The following GAB2 variants were observed in gnomAD, a reference collection of about 807,000 sequenced individuals.
GAB2 encodes GRB2-associated-binding protein 2.
GAB2 carries 26 observed loss-of-function variants against 65.5 expected under a neutral mutation model. The ratio of observed to expected loss-of-function variants is 0.40; its 90% CI spans 0.29 to 0.55. The LOEUF is 0.55. GAB2 is among the 20% of genes least tolerant of loss of function. GAB2 has a pLI of 0.53. For synonymous variants in GAB2, 321 were observed against 329.6 expected (o/e 0.97, Z 0.28); for missense variants, 884 against 875.8 (o/e 1.01, Z -0.12).
intron 1 of GAB2, among the ~76,000 whole-genome samples, chr11:78,381,961 C>T (rs1856703330): frequency 6.6e-6 from 1 of 152,202 alleles, no homozygotes; most frequent in Non-Finnish European, 1.5e-5. Context: ...CATAACTTGG[C>T]CATGCTAATC....
In GAB2 at chr11:78,398,021, T is replaced by TACACACACACACAC. The variant is rs1554999817; in HGVS notation, c.75+19611_75+19624dup. On this transcript the variant is annotated intron_variant, in intron 1 of 9. Coordinates refer to ENST00000361507, the MANE Select transcript of GAB2 (RefSeq NM_080491.3). ...TGCTATGGTCCTGCCTGTGAATAGC[T>TACACACACACACAC]ACACACACACACACACACACATCCC... Among the ~76,000 whole-genome samples the TACACACACACACAC allele has an allele frequency of 4.8e-3, 541 of 112,524 alleles. 1 individual carries two copies. The highest frequency in any genetic ancestry group is 0.016 in the African/African-American group (521 of 31,820). The allele number at this position is 112,524 out of a possible 152,430, so 73.8% of individuals were successfully genotyped here.
chr11:78,297,925 G>A (rs1307858621), intron 1 of GAB2, among the ~76,000 whole-genome samples: 1 of 152,066 alleles, frequency 6.6e-6, no homozygotes, highest in Non-Finnish European at 1.5e-5. Context: ...ATTTCAAATT[G>A]CTACCAATGG....
At chr11:78,238,258 C>T (rs1865038753) in intron 3 of GAB2, among the ~76,000 whole-genome samples, 1 of 148,650 alleles carries the variant, frequency 6.7e-6, no homozygotes, top group African/African-American at 2.5e-5. Context: ...TTGAAGAGGC[C>T]AGGTGTGGTG....
chr11:78,387,975 T>C (rs1024866922), intron 1 of GAB2: 1 of 151,812 alleles, frequency 6.6e-6, no homozygotes, highest in African/African-American at 2.4e-5. Context: ...ACATAAGAAA[T>C]GCACAGGACA....
intron 1 of GAB2, among the ~76,000 whole-genome samples, chr11:78,372,856 CATTCT>C (rs537543901): frequency 0.024 from 3,584 of 152,268 alleles, 139 homozygotes; most frequent in African/African-American, 0.081. Flanking sequence ...TTCAAATTTG[CATTCT>C]CCCCTTTCCC....
intron 1 of GAB2, among the ~76,000 whole-genome samples, chr11:78,308,221 T>C (rs1437390069): frequency 6.6e-6 from 1 of 152,072 alleles, no homozygotes; most frequent in African/African-American, 2.4e-5. Flanking sequence ...GAGTCAAAAA[T>C]ACACTAGGTT....
chr11:78,304,347 A>G (rs968853361), intron 1 of GAB2, among the ~76,000 whole-genome samples: 8 of 152,166 alleles, frequency 5.3e-5, no homozygotes, highest in Non-Finnish European at 8.8e-5. Flanking sequence ...TCCCATACCC[A>G]TTAGTCAATC....
intron 1 of GAB2, among the ~76,000 whole-genome samples, chr11:78,329,033 A>C (rs1855871614): frequency 6.6e-6 from 1 of 152,200 alleles, no homozygotes; most frequent in Admixed American, 6.5e-5. Context: ...AAATGCTATA[A>C]AAAATAAGAT....
At chr11:78,345,019 G>A (rs1193842997) in intron 1 of GAB2, among the ~76,000 whole-genome samples, 2 of 152,202 alleles carry the variant, frequency 1.3e-5, no homozygotes, top group Non-Finnish European at 2.9e-5. Flanking sequence ...GCACACGCCT[G>A]TAATCCTGGC....
At chr11:78,312,046 C>T (rs1380311262) in intron 1 of GAB2, among the ~76,000 whole-genome samples, 1 of 152,142 alleles carries the variant, frequency 6.6e-6, no homozygotes, top group African/African-American at 2.4e-5. Context: ...CCTCCCATGT[C>T]TAGGCTTGAA....
intron 3 of GAB2, among the ~76,000 whole-genome samples, chr11:78,228,534 T>C (rs916363091): frequency 2.0e-5 from 3 of 152,152 alleles, no homozygotes; most frequent in African/African-American, 7.2e-5. Context: ...CTCTCTCAGC[T>C]CCTGAGGAGT....
At chr11:78,381,556 T>G (rs1487244940) in intron 1 of GAB2, among the ~76,000 whole-genome samples, 1 of 152,162 alleles carries the variant, frequency 6.6e-6, no homozygotes, top group Non-Finnish European at 1.5e-5. Flanking sequence ...AGCCAAATAC[T>G]GCTAGACTGG....
At chr11:78,315,735 G>A (rs1393639308) in intron 1 of GAB2, among the ~76,000 whole-genome samples, 2 of 152,210 alleles carry the variant, frequency 1.3e-5, no homozygotes, top group African/African-American at 4.8e-5. Flanking sequence ...ACAATCCACT[G>A]AATGGAAGAA....
intron 1 of GAB2, among the ~76,000 whole-genome samples, chr11:78,417,412 C>T (rs569762328): frequency 7.6e-4 from 115 of 152,108 alleles, no homozygotes; most frequent in Non-Finnish European, 1.4e-3. Flanking sequence ...CGCAGCCGCA[C>T]CCGCCTGGCG....
chr11:78,360,501 T>C (rs933196941), intron 1 of GAB2, among the ~76,000 whole-genome samples: 1 of 152,108 alleles, frequency 6.6e-6, no homozygotes, highest in African/African-American at 2.4e-5. Flanking sequence ...AAAATGTATG[T>C]GCTGATAAAG....
intron 1 of GAB2, among the ~76,000 whole-genome samples, chr11:78,409,762 A>G (rs561761411): frequency 1.2e-3 from 176 of 152,334 alleles, no homozygotes; most frequent in African/African-American, 4.0e-3. Context: ...ATCACTATCA[A>G]TCAAAAAGAT....
chr11:78,281,393 G>T (rs1866331833), intron 1 of GAB2, among the ~76,000 whole-genome samples: 1 of 152,046 alleles, frequency 6.6e-6, no homozygotes, highest in African/African-American at 2.4e-5. Context: ...TTACAGGCAT[G>T]TGCCACCACG....
intron 1 of GAB2, among the ~76,000 whole-genome samples, chr11:78,311,955 C>G (rs1855508046): frequency 6.6e-6 from 1 of 152,142 alleles, no homozygotes; most frequent in African/African-American, 2.4e-5. Flanking sequence ...TTTTACCTAA[C>G]AAACAATGCC....
chr11:78,280,985 GC>G, intron 1 of GAB2, 84 bp from the exon 2 acceptor site: 1 of 1,155,014 alleles, frequency 8.7e-7, no homozygotes, highest in South Asian at 1.4e-5. Context: ...GACAGGTCTT[GC>G]CCTGTTGCCC....
Sources: allele counts gnomAD v4.1 joint callset (sites outside exome capture counted in the v4.1 genomes callset), GRCh38; gene constraint gnomAD v4.1.1; transcripts MANE v1.5; gene names NCBI Gene and HGNC (gene_info 2026-07-23, HGNC 2026-07-21).